AEBP2: variants seen among roughly 807,000 people sequenced by gnomAD.
AEBP2 encodes AE binding protein 2.
Under a neutral mutation model 50.8 loss-of-function variants are expected in AEBP2, and 10 were observed. The observed-to-expected ratio is 0.20, with a 90% CI of 0.12 to 0.33. The LOEUF is 0.33. Among genes scored for constraint, AEBP2 ranks in the 10% least tolerant of loss-of-function variants. The pLI, the probability that AEBP2 is intolerant of heterozygous loss-of-function variation, is 1.00. For synonymous variants in AEBP2, 296 were observed against 261.3 expected (o/e 1.13, Z -1.28); for missense variants, 570 against 688.0 (o/e 0.83, Z 1.92).
At chr12:19,470,454 G>A (rs1000445522) in intron 2 of AEBP2, among the ~76,000 whole-genome samples, 1 of 152,158 alleles carries the variant, frequency 6.6e-6, no homozygotes, top group Non-Finnish European at 1.5e-5. Flanking sequence ...ATTACACCAG[G>A]CCTTTTTTGG....
chr12:19,443,691 C>G (rs982602419), intron 1 of AEBP2, among the ~76,000 whole-genome samples: 1 of 151,906 alleles, frequency 6.6e-6, no homozygotes. Flanking sequence ...CCACTGCACT[C>G]CAGCGTGGGC....
intron 6 of AEBP2, among the ~76,000 whole-genome samples, chr12:19,513,915 A>T: frequency 1.5e-4 from 17 of 114,100 alleles, no homozygotes; most frequent in Non-Finnish European, 1.7e-4. Flanking sequence ...TTTTTAATGG[A>T]GTTTAGTCTT....
intron 1 of AEBP2, among the ~76,000 whole-genome samples, chr12:19,406,170 T>C (rs988429840): frequency 1.7e-4 from 26 of 151,922 alleles, no homozygotes; most frequent in African/African-American, 5.8e-4. Flanking sequence ...TTCACCATAT[T>C]GGCCAGGCTA....
At chr12:19,429,173 T>A (rs1159672407) in intron 1 of AEBP2, among the ~76,000 whole-genome samples, 1 of 152,190 alleles carries the variant, frequency 6.6e-6, no homozygotes. Context: ...TTCCCCTTCC[T>A]GTGTCCATGT....
intron 3 of AEBP2, among the ~76,000 whole-genome samples, chr12:19,473,927 G>GT (rs1948610631): frequency 6.6e-6 from 1 of 152,062 alleles, no homozygotes; most frequent in South Asian, 2.1e-4. Context: ...TAGCTAGTGG[G>GT]TAGACTAATG....
Position 19,455,504 on chromosome 12 carries a change from C to G in AEBP2, c.672-7006C>G, listed in dbSNP as rs11044572. ...TGTATTGCTTCCTATGCTCATGCAC[C>G]TTGTCATTTAGCAAAGTGATCTTTA... is the stretch of plus-strand genomic sequence containing the variant. On this transcript the variant is annotated intron_variant, in intron 1 of 7. Transcript: ENST00000266508. Among the ~76,000 whole-genome samples the G allele has an allele frequency of 7.5e-3, 1,135 of 152,150 alleles. 28 individuals carry two copies. In the East Asian group the frequency reaches 0.086, roughly 11 times the overall value.
rs369372278 is a variant in AEBP2, at chr12:19,440,736, C to G, written c.671+366C>G. 7.2e-6 allele frequency: 11 copies of G among 1,533,582 alleles called. No individual in the cohort carries two copies. The Middle Eastern group carries it at 1.1e-3, about 158-fold the overall frequency. 95.0% of individuals were successfully genotyped at this position (1,533,582 alleles called of 1,614,324 possible). ...ACACGTCGGTACTCAAGGTTAGCTT[C>G]TTCCAACCGTGTTCGGGAACACTTG... On this transcript the variant is annotated intron_variant, in intron 1 of 7. Transcript: ENST00000266508.
Position 19,457,524 on chromosome 12 carries a change from A to G in AEBP2, c.672-4986A>G, listed in dbSNP as rs1592732117. 2.0e-6 allele frequency: 3 copies of G among 1,483,016 alleles called. No individual in the cohort carries two copies. In the East Asian group the frequency reaches 6.8e-5, roughly 34 times the overall value. 91.9% of individuals were successfully genotyped at this position (1,483,016 alleles called of 1,614,324 possible). ...TCCCATCTCAGCAGCCTCCTTCTCA[A>G]TTTTTTCAATGGTTCTTTTGTTGAT... On this transcript the variant is annotated intron_variant, in intron 1 of 7. Transcript: ENST00000266508.
intron 3 of AEBP2, among the ~76,000 whole-genome samples, chr12:19,485,939 G>A (rs1025538259): frequency 6.8e-6 from 1 of 146,236 alleles, no homozygotes; most frequent in African/African-American, 2.5e-5. Context: ...TGTTTGAGGT[G>A]AGCCTCTGCT....
intron 3 of AEBP2, among the ~76,000 whole-genome samples, chr12:19,474,651 A>G (rs868844020): frequency 6.6e-6 from 1 of 152,174 alleles, no homozygotes; most frequent in South Asian, 2.1e-4. Context: ...TTTAAAAAGA[A>G]ACAAACTTAA....
chr12:19,487,283 T>G (rs1253641137), intron 3 of AEBP2, among the ~76,000 whole-genome samples: 1 of 152,280 alleles, frequency 6.6e-6, no homozygotes, highest in East Asian at 1.9e-4. Context: ...TCATTTCAGG[T>G]ATTTTTTTTT....
In AEBP2 at chr12:19,440,335, T is replaced by C; in HGVS notation, c.636T>C (p.Asp212=). ...GRRGSLEMSS[D]GEPLSRMDSE... is the part of the protein sequence containing the mutation. Reference sequence around the variant, plus strand: ...GGGGCAGCTTGGAGATGTCGTCGGATGGGGAACCCCTGAGCCGCATGGACT... The same window carrying C: ...GGGGCAGCTTGGAGATGTCGTCGGACGGGGAACCCCTGAGCCGCATGGACT... Residue 212 remains aspartate (D), a synonymous_variant, in exon 1 of 8, where the codon GAT becomes GAC. Transcript: ENST00000266508. The C allele has an allele frequency of 6.8e-7, 1 of 1,465,480 alleles. No homozygotes were observed. The highest frequency in any genetic ancestry group is 1.4e-5 in the South Asian group (1 of 70,668). 90.8% of individuals were successfully genotyped at this position (1,465,480 alleles called of 1,614,324 possible).
At chr12:19,429,769 A>G (rs2095750459) in intron 1 of AEBP2, among the ~76,000 whole-genome samples, 2 of 150,792 alleles carry the variant, frequency 1.3e-5, no homozygotes, top group African/African-American at 4.9e-5. Flanking sequence ...GGCTGCATAA[A>G]TGTCTTCTTT....
chr12:19,411,809 C>T (rs1336227574), intron 1 of AEBP2, among the ~76,000 whole-genome samples: 1 of 152,184 alleles, frequency 6.6e-6, no homozygotes, highest in Non-Finnish European at 1.5e-5. Context: ...AAACACTTGA[C>T]ATAGATTGAC....
At chr12:19,495,962 A>G (rs1592768223) in intron 4 of AEBP2, among the ~76,000 whole-genome samples, 1 of 152,148 alleles carries the variant, frequency 6.6e-6, no homozygotes, top group Non-Finnish European at 1.5e-5. Flanking sequence ...CGATCATTTT[A>G]CTTGTGTTAA....
intron 1 of AEBP2, among the ~76,000 whole-genome samples, chr12:19,426,468 A>C (rs2095748605): frequency 6.6e-6 from 1 of 152,224 alleles, no homozygotes; most frequent in Admixed American, 6.5e-5. Flanking sequence ...GCTTAGGTTA[A>C]TTAACTGGGT....
intron 1 of AEBP2, among the ~76,000 whole-genome samples, chr12:19,443,237 C>T (rs1434539837): frequency 6.6e-6 from 1 of 151,762 alleles, no homozygotes; most frequent in African/African-American, 2.4e-5. Flanking sequence ...ACTGGGATTA[C>T]AGGTGAGTGC....
chr12:19,502,237 C>T (rs117439936), intron 5 of AEBP2, among the ~76,000 whole-genome samples: 3,228 of 152,136 alleles, frequency 0.021, 41 homozygotes, highest in East Asian at 0.043. Context: ...TAGGTTCAAG[C>T]GATCCCCCTC....
At chr12:19,477,110 A>G (rs1045636682) in intron 3 of AEBP2, among the ~76,000 whole-genome samples, 3 of 151,890 alleles carry the variant, frequency 2.0e-5, no homozygotes, top group Non-Finnish European at 2.9e-5. Flanking sequence ...TTGTTTCTCA[A>G]CTTCGTCATT....
Sources: allele counts gnomAD v4.1 joint callset (sites outside exome capture counted in the v4.1 genomes callset), GRCh38; gene constraint gnomAD v4.1.1; transcripts MANE v1.5; gene names NCBI Gene and HGNC (gene_info 2026-07-23, HGNC 2026-07-21).